DOCK11: variants seen among roughly 807,000 people sequenced by gnomAD.
DOCK11 encodes the protein dedicator of cytokinesis 11.
In DOCK11, 70 loss-of-function variants were observed where a neutral mutation model predicts 169.1. The observed-to-expected ratio is 0.41, with a 90% CI of 0.34 to 0.51. The LOEUF (loss-of-function observed/expected upper bound fraction) is 0.51. DOCK11 is among the 20% of genes least tolerant of loss of function. DOCK11 has a pLI of 0.10. For missense variants in DOCK11, 1,166 were observed against 1,538.8 expected (o/e 0.76, Z 4.05); for synonymous variants, 529 against 541.3 (o/e 0.98, Z 0.32).
At chrX:118,617,714 T>C (rs958614420) in intron 30 of DOCK11, among the ~76,000 whole-genome samples, 4 of 110,074 alleles carry the variant, frequency 3.6e-5, no homozygotes, top group African/African-American at 1.3e-4. Flanking sequence ...ACCCCGTCCC[T>C]ACTAAAAATA....
At chrX:118,674,768 G>A (rs933800647) in intron 46 of DOCK11, among the ~76,000 whole-genome samples, 9 of 112,039 alleles carry the variant, frequency 8.0e-5, no homozygotes, top group South Asian at 3.7e-4. Flanking sequence ...TGGCTGTACC[G>A]TTTTACATTT....
intron 11 of DOCK11, among the ~76,000 whole-genome samples, chrX:118,573,463 T>G (rs1179121848): frequency 1.8e-5 from 2 of 112,852 alleles, no homozygotes; most frequent in Non-Finnish European, 3.7e-5. Flanking sequence ...TTGGCATTAT[T>G]TTTTAGGTAG....
chrX:118,523,898 C>A (rs1330693649), intron 1 of DOCK11, among the ~76,000 whole-genome samples: 1 of 111,298 alleles, frequency 9.0e-6, no homozygotes, highest in African/African-American at 3.3e-5. Flanking sequence ...CGAGATGGAA[C>A]TGAACTTGGG....
intron 45 of DOCK11, among the ~76,000 whole-genome samples, chrX:118,670,316 T>TA (rs2016437625): frequency 8.9e-6 from 1 of 111,768 alleles, no homozygotes; most frequent in East Asian, 2.8e-4. Flanking sequence ...TGTTATGACT[T>TA]ACGGGTAGCA....
chrX:118,539,440 G>A (rs764358153), intron 1 of DOCK11, among the ~76,000 whole-genome samples: 5 of 110,944 alleles, frequency 4.5e-5, no homozygotes, highest in African/African-American at 9.8e-5. Flanking sequence ...GGGGCAAAGT[G>A]GGGGAGATGG....
intron 6 of DOCK11, among the ~76,000 whole-genome samples, chrX:118,550,874 AT>A (rs918684385): frequency 2.7e-5 from 3 of 111,687 alleles, no homozygotes; most frequent in Non-Finnish European, 5.6e-5. Flanking sequence ...GTTTCTATGT[AT>A]TTTTTTTCTA....
In DOCK11 at chrX:118,643,620, C is replaced by T. The variant is rs1024772887; in HGVS notation, c.4398+26C>T. 39 of 1,200,577 alleles carry T rather than the reference C, an allele frequency of 3.2e-5. No homozygotes were observed. In the Middle Eastern group the frequency reaches 7.0e-4, roughly 21 times the overall value. ...GTAAGGACAGAAGCTTGGGAGCAGCCGGTGGGCTCTCTTCATTGCAAAAAG... is the reference window on the plus strand; with the variant it reads ...GTAAGGACAGAAGCTTGGGAGCAGCTGGTGGGCTCTCTTCATTGCAAAAAG... On this transcript the variant is annotated intron_variant, in intron 40 of 52. Coordinates refer to ENST00000276202, the MANE Select transcript of DOCK11 (RefSeq NM_144658.4).
intron 45 of DOCK11, among the ~76,000 whole-genome samples, chrX:118,665,204 G>T (rs1465820306): frequency 8.9e-6 from 1 of 112,264 alleles, no homozygotes; most frequent in Non-Finnish European, 1.9e-5. Flanking sequence ...AAGCAAGTTG[G>T]TGTCCTTTTA....
intron 32 of DOCK11, 92 bp from the exon 33 acceptor site, chrX:118,627,412 A>T: frequency 1.5e-6 from 1 of 676,932 alleles, no homozygotes; most frequent in Non-Finnish European, 2.3e-6. Flanking sequence ...AGCTTTGTTT[A>T]AAATCAATGT....
intron 28 of DOCK11, among the ~76,000 whole-genome samples, chrX:118,610,875 C>A (rs1569429506): frequency 9.0e-6 from 1 of 110,925 alleles, no homozygotes; most frequent in Non-Finnish European, 1.9e-5. Context: ...CCCGTCTCTA[C>A]CAAAAATACA....
Position 118,624,636 on chromosome X carries a change from G to A in DOCK11, c.3569G>A (p.Cys1190Tyr), listed in dbSNP as rs1603129551. The A allele has an allele frequency of 8.4e-6, 10 of 1,190,257 alleles. No individual in the cohort carries two copies. The highest frequency in any genetic ancestry group is 1.1e-5 in the Non-Finnish European group (10 of 879,968). The part of the protein sequence containing the change: ...RLAGRDTLYS[C>Y]AAMPNSASRD... The stretch of plus-strand genomic sequence containing the variant: ...GCAGGTCGAGATACCTTGTATTCTT[G>A]TGCAGCCATGCCTAATTCTGTAAGT... The change falls in exon 32 of 53, where the codon TGT becomes TAT. Residue 1190 changes from cysteine to tyrosine, a missense_variant. Transcript: ENST00000276202.
chrX:118,593,160 A>T (rs201741386), intron 19 of DOCK11, 54 bp from the exon 20 acceptor site: 5 of 1,153,196 alleles, frequency 4.3e-6, no homozygotes, highest in Non-Finnish European at 5.8e-6. Context: ...CTAATGTCTG[A>T]CAGTTTCAGC....
chrX:118,593,105 C>A, intron 19 of DOCK11, 109 bp from the exon 20 acceptor site: 1 of 875,785 alleles, frequency 1.1e-6, no homozygotes, highest in Non-Finnish European at 1.6e-6. Flanking sequence ...GGCCACTTGG[C>A]CAGTCCTTTA....
rs1375968175 is a variant in DOCK11, at chrX:118,639,474, C to T, written c.4041C>T (p.Asp1347=). 8.3e-7 allele frequency: 1 copy of T among 1,210,942 alleles called. No homozygotes were observed. The highest frequency in any genetic ancestry group is 1.1e-6 in the Non-Finnish European group (1 of 895,152). The part of the protein sequence containing the change: ...DAWLSKHFGI[D]RKSQTMPALR... ...GGCTGTCAAAACACTTCGGAATAGA[C>T]CGAAAATCGCAAACCATGCCTGCTC... is the stretch of plus-strand genomic sequence containing the variant. The change falls in exon 38 of 53, where the codon GAC becomes GAT. Residue 1347 remains aspartate, a synonymous_variant. Coordinates refer to ENST00000276202, the MANE Select transcript of DOCK11 (RefSeq NM_144658.4).
intron 46 of DOCK11, among the ~76,000 whole-genome samples, chrX:118,672,235 T>C (rs1006632852): frequency 1.1e-4 from 12 of 111,683 alleles, no homozygotes; most frequent in Admixed American, 9.5e-4. Flanking sequence ...AGATAAACTA[T>C]TGATAAAGTT....
At chrX:118,518,003 G>A (rs1296832508) in intron 1 of DOCK11, among the ~76,000 whole-genome samples, 1 of 111,684 alleles carries the variant, frequency 9.0e-6, no homozygotes, top group Non-Finnish European at 1.9e-5. Flanking sequence ...TGTTGATACT[G>A]GAGTTCTCTT....
intron 46 of DOCK11, among the ~76,000 whole-genome samples, chrX:118,673,898 C>T (rs916915679): frequency 9.0e-6 from 1 of 111,470 alleles, no homozygotes; most frequent in African/African-American, 3.3e-5. Flanking sequence ...ACAGATTGAG[C>T]CTCTCTAATC....
chrX:118,636,301 C>T, intron 35 of DOCK11, 45 bp from the exon 36 acceptor site: 1 of 843,059 alleles, frequency 1.2e-6, no homozygotes, highest in Admixed American at 3.1e-5. Flanking sequence ...GTGCTATTTG[C>T]TGTAATTATT....
In DOCK11 at chrX:118,639,594, G is replaced by A. The variant is rs746631470; in HGVS notation, c.4144+17G>A. The A allele has an allele frequency of 2.5e-6, 3 of 1,198,614 alleles. No homozygotes were observed. The highest frequency in any genetic ancestry group is 3.6e-5 in the South Asian group (2 of 54,899). On this transcript the variant is annotated intron_variant, in intron 38 of 52. Transcript: ENST00000276202. ...TTAATCACAGTAAGTGAAAATGTGTGTGTGGTACCCATTTGACCTTAAAGA... is the reference window on the plus strand; with the variant it reads ...TTAATCACAGTAAGTGAAAATGTGTATGTGGTACCCATTTGACCTTAAAGA...
Sources: gnomAD v4.1 joint callset for allele counts (sites outside exome capture counted in the v4.1 genomes callset) on GRCh38, gnomAD v4.1.1 for gene constraint, MANE v1.5 for transcripts, NCBI Gene and HGNC (gene_info 2026-07-23, HGNC 2026-07-21) for gene names.